Variants in RNF213 observed in about 807,000 individuals in gnomAD.
RNF213 encodes the protein ring finger protein 213, also known as E3 ubiquitin-protein ligase RNF213.
Under a neutral mutation model 514.4 loss-of-function variants are expected in RNF213, and 341 were observed. The ratio of observed to expected loss-of-function variants is 0.66; its 90% CI spans 0.61 to 0.73. The LOEUF (loss-of-function observed/expected upper bound fraction) is 0.73, where lower values mean the gene tolerates loss of function less well. RNF213 is among the 30% of genes least tolerant of loss of function. The probability of loss-of-function intolerance (pLI) is 0.00; values close to 1 mark genes in which losing one functional copy is unlikely to be tolerated. For missense variants in RNF213, 5,767 were observed against 6,615.6 expected (o/e 0.87, Z 4.45); for synonymous variants, 2,655 against 2,658.2 (o/e 1.00, Z 0.04).
intron 6 of RNF213, 142 bp from the exon 7 acceptor site, chr17:80,290,422 CGAGTGT>C: frequency 1.2e-6 from 1 of 862,784 alleles, no homozygotes; most frequent in South Asian, 1.4e-5. Context: ...TGCGTGTGTG[CGAGTGT>C]GCGCGTGTGT....
chr17:80,268,840 A>G (rs1437852899), intron 2 of RNF213, among the ~76,000 whole-genome samples: 5 of 152,164 alleles, frequency 3.3e-5, no homozygotes, highest in South Asian at 4.1e-4. Flanking sequence ...GGCTCACACA[A>G]TCACAAGGTG....
intron 67 of RNF213, among the ~76,000 whole-genome samples, chr17:80,392,456 C>T (rs1464607171): frequency 6.6e-6 from 1 of 152,164 alleles, no homozygotes; most frequent in Non-Finnish European, 1.5e-5. Context: ...GTGAAGGGGC[C>T]AGCACAGGGC....
Position 80,372,976 on chromosome 17 carries a change from G to T in RNF213, c.12753G>T (p.Glu4251Asp), listed in dbSNP as rs775459040. ...CCCGCTTTCTCGTTGGCCTCTCAGA[G>T]ATGGCCAAGGAGAAGCAGTGCTACC... is the stretch of plus-strand genomic sequence containing the variant. ...DFLSEPEGGP[E>D]MAKEKQCYLQ... is the part of the protein sequence containing the mutation. The change falls in exon 49 of 68, where the codon GAG becomes GAT. Residue 4251 changes from glutamate (E) to aspartate (D), a missense_variant and splice_region_variant. Physicochemically the swap from Glu to Asp is conservative, Grantham distance 45. Coordinates refer to ENST00000582970, the MANE Select transcript of RNF213 (RefSeq NM_001256071.3). 1.2e-6 allele frequency: 2 copies of T among 1,613,522 alleles called. No individual in the cohort carries two copies. The highest frequency in any genetic ancestry group is 1.7e-6 in the Non-Finnish European group (2 of 1,179,826).
chr17:80,319,248 T>C lies in RNF213; in HGVS notation c.2960T>C (p.Leu987Ser), dbSNP rs1395087256. 1.9e-6 allele frequency: 3 copies of C among 1,614,040 alleles called. No individual in the cohort carries two copies. Among genetic ancestry groups the C allele is most frequent in the African/African-American group, 2.7e-5 (2 of 74,912 alleles). The change falls in exon 17 of 68, where the codon TTA becomes TCA. Residue 987 changes from leucine to serine, a missense_variant. Physicochemically the swap from Leu to Ser is moderately radical, Grantham distance 145. This residue lies in a region of RNF213 where 516 missense variants were observed against 566.5 expected (regional missense o/e 0.91). Coordinates refer to ENST00000582970, the MANE Select transcript of RNF213 (RefSeq NM_001256071.3). The part of the protein sequence containing the change: ...YCNSCWDTKG[L>S]EDSVAKTFEK... Reference sequence around the variant, plus strand: ...AATAGTTGCTGGGACACCAAAGGCTTAGAGGACAGTGTGGCCAAGACCTTC... The same window carrying C: ...AATAGTTGCTGGGACACCAAAGGCTCAGAGGACAGTGTGGCCAAGACCTTC...
intron 11 of RNF213, among the ~76,000 whole-genome samples, chr17:80,302,301 T>G (rs1004373989): frequency 2.0e-5 from 3 of 152,122 alleles, no homozygotes; most frequent in Non-Finnish European, 4.4e-5. Flanking sequence ...CACAAAGAAA[T>G]AAATGTTTGA....
intron 19 of RNF213, 114 bp from the exon 20 acceptor site, chr17:80,328,214 C>A: frequency 7.7e-7 from 1 of 1,305,110 alleles, no homozygotes; most frequent in Non-Finnish European, 1.0e-6. Context: ...ATGCGCAAAA[C>A]CATCCTAGTC....
At chr17:80,359,982 G>C (rs1373466832) in intron 37 of RNF213, 79 bp from the exon 38 acceptor site, 1 of 1,449,336 alleles carries the variant, frequency 6.9e-7, no homozygotes, top group African/African-American at 1.4e-5. Context: ...AGAAGAGCTG[G>C]CATCAGTGGC....
At chr17:80,305,366 C>T (rs1189650167) in intron 11 of RNF213, among the ~76,000 whole-genome samples, 7 of 151,338 alleles carry the variant, frequency 4.6e-5, no homozygotes, top group Non-Finnish European at 7.4e-5. Context: ...TTAGTAGAGA[C>T]GGGATTTCTC....
Position 80,319,295 on chromosome 17 carries a change from G to A in RNF213, c.3007G>A (p.Val1003Met), listed in dbSNP as rs747220213. Residue 1003 changes from valine (V) to methionine (M), a missense_variant, in exon 17 of 68, where the codon GTG becomes ATG. By Grantham distance (21) the Val-to-Met change is conservative. Coordinates refer to ENST00000582970, the MANE Select transcript of RNF213 (RefSeq NM_001256071.3). ...KTFEKCIIEA[V>M]SSACQSQTSI... ...CTTCGAGAAATGCATCATTGAAGCC[G>A]TGAGCTCAGCCTGCCAGGTGAACAA... 1.3e-5 allele frequency: 21 copies of A among 1,614,022 alleles called. No individual in the cohort carries two copies. The highest frequency in any genetic ancestry group is 2.2e-5 in the East Asian group (1 of 44,894).
At chr17:80,274,346 G>T (rs1033187214) in intron 3 of RNF213, among the ~76,000 whole-genome samples, 2 of 151,164 alleles carry the variant, frequency 1.3e-5, no homozygotes, top group African/African-American at 4.9e-5. Context: ...AGGCTTTCGA[G>T]GGGAGCGTCC....
intron 2 of RNF213, 94 bp from the exon 3 acceptor site, chr17:80,273,147 A>C: frequency 7.9e-6 from 12 of 1,512,686 alleles, no homozygotes; most frequent in Non-Finnish European, 1.0e-5. Flanking sequence ...AACAGGGTGA[A>C]TCTCTCCATG....
intron 63 of RNF213, among the ~76,000 whole-genome samples, chr17:80,387,109 T>TC (rs1326639149): frequency 6.6e-6 from 1 of 152,136 alleles, no homozygotes; most frequent in African/African-American, 2.4e-5. Flanking sequence ...TGCACCTCAG[T>TC]CCCCCAAGGA....
intron 16 of RNF213, among the ~76,000 whole-genome samples, chr17:80,318,728 C>T (rs1024849261): frequency 1.6e-4 from 25 of 152,258 alleles, no homozygotes; most frequent in South Asian, 4.1e-4. Context: ...CGCCCGCCAC[C>T]GCGCCCAGCT....
rs140093141 is a variant in RNF213 at position 80,271,149 on chromosome 17, G to C, written c.98-2092G>C. ...TAGGTTGGTGGGAGGGGCAGGCTCA[G>C]AATCCCTGGTTGTAGGTGAAACAGC... On this transcript the variant is annotated intron_variant, in intron 2 of 67. Transcript: ENST00000582970. Among the ~76,000 whole-genome samples the C allele has an allele frequency of 1.2e-3, 189 of 151,794 alleles. 1 individual carries two copies. The highest frequency in any genetic ancestry group is 4.1e-3 in the African/African-American group (171 of 41,470).
chr17:80,294,596 C>T (rs897276740), intron 8 of RNF213, 124 bp from the exon 9 acceptor site: 15 of 1,235,940 alleles, frequency 1.2e-5, no homozygotes, highest in East Asian at 4.6e-5. Context: ...TTTTCCCTTC[C>T]TCCCTTCCTC....
intron 30 of RNF213, 135 bp downstream of exon 30, chr17:80,350,041 C>T (rs2078450028): frequency 1.3e-5 from 13 of 1,030,608 alleles, no homozygotes; most frequent in Admixed American, 3.9e-5. Context: ...TGTTAAATCT[C>T]TCCCAGCATC....
Position 80,291,825 on chromosome 17 carries a change from G to A in RNF213, c.1469G>A (p.Gly490Glu), listed in dbSNP as rs773107040. ...ATAAAATCTTCACTTCTGGGCTCAG[G>A]AGGTAAGTCGTGGCAGCAGGCTGTC... ...LFIKSSLLGSGDWHQYYDIVY... is the reference protein window; with the variant it reads ...LFIKSSLLGSEDWHQYYDIVY... The change falls in exon 8 of 68, where the codon GGA becomes GAA. Residue 490 changes from glycine (G) to glutamate (E), a missense_variant and splice_region_variant. Transcript: ENST00000582970. 2 of 1,614,164 alleles carry A rather than the reference G, an allele frequency of 1.2e-6. No homozygotes were observed. The highest frequency in any genetic ancestry group is 4.5e-5 in the East Asian group (2 of 44,882).
chr17:80,283,464 T>C (rs1273849685), intron 3 of RNF213, among the ~76,000 whole-genome samples: 1 of 152,234 alleles, frequency 6.6e-6, no homozygotes, highest in Admixed American at 6.5e-5. Context: ...CAGTTGCGTC[T>C]GCGCTTACTG....
chr17:80,282,993 T>C (rs2044351175), intron 3 of RNF213, among the ~76,000 whole-genome samples: 2 of 152,154 alleles, frequency 1.3e-5, no homozygotes, highest in Non-Finnish European at 2.9e-5. Flanking sequence ...CCACCACGCC[T>C]GGCCTGATTC....
Sources: allele counts gnomAD v4.1 joint callset (sites outside exome capture counted in the v4.1 genomes callset), GRCh38; gene constraint gnomAD v4.1.1; regional missense constraint gnomAD v4.1.1; transcripts MANE v1.5; gene names NCBI Gene and HGNC (gene_info 2026-07-23, HGNC 2026-07-21).